SH3RF2: variants seen among roughly 807,000 people sequenced by gnomAD.
SH3RF2 encodes the protein E3 ubiquitin-protein ligase SH3RF2.
A neutral mutation model predicts 59.0 loss-of-function variants in SH3RF2; 43 were observed. That is an observed-to-expected ratio of 0.73 (90% CI 0.57 to 0.94). The LOEUF (loss-of-function observed/expected upper bound fraction) is 0.94. SH3RF2 is among the 40% of genes least tolerant of loss of function. The pLI, the probability that SH3RF2 is intolerant of heterozygous loss-of-function variation, is 0.00. For missense variants in SH3RF2, 930 were observed against 940.1 expected (o/e 0.99, Z 0.14); for synonymous variants, 391 against 391.5 (o/e 1.00, Z 0.01).
chr5:146,077,543 T>A (rs1763361382), intron 9 of SH3RF2, among the ~76,000 whole-genome samples: 1 of 152,232 alleles, frequency 6.6e-6, no homozygotes, highest in Admixed American at 6.5e-5. Flanking sequence ...TGAGTGTAAG[T>A]TGGAGACTAA....
At chr5:145,943,526 A>C (rs951563455) in intron 2 of SH3RF2, among the ~76,000 whole-genome samples, 2 of 152,218 alleles carry the variant, frequency 1.3e-5, no homozygotes, top group Non-Finnish European at 2.9e-5. Context: ...CATTTCTTTT[A>C]GCCTCTGCCT....
At chr5:145,980,055 A>G (rs1759450723) in intron 2 of SH3RF2, among the ~76,000 whole-genome samples, 1 of 152,168 alleles carries the variant, frequency 6.6e-6, no homozygotes, top group African/African-American at 2.4e-5. Context: ...AAGATAAATA[A>G]ACTTCTGAAA....
chr5:146,070,225 C>T (rs2150028016), intron 9 of SH3RF2, among the ~76,000 whole-genome samples: 1 of 152,192 alleles, frequency 6.6e-6, no homozygotes, highest in South Asian at 2.1e-4. Flanking sequence ...AACCTTAATC[C>T]CTCTTCTCAA....
chr5:145,975,269 C>G (rs879295390), intron 2 of SH3RF2, among the ~76,000 whole-genome samples: 2 of 152,196 alleles, frequency 1.3e-5, no homozygotes, highest in African/African-American at 4.8e-5. Context: ...AACAAAATGG[C>G]TCCAAAAGTG....
chr5:146,000,248 C>T lies in SH3RF2; in HGVS notation c.569C>T (p.Pro190Leu), dbSNP rs138966950. 1.5e-5 allele frequency: 25 copies of T among 1,613,898 alleles called. No homozygotes were observed. The East Asian group carries it at 2.2e-4, about 14-fold the overall frequency. The change falls in exon 3 of 10, where the codon CCG (proline) becomes CTG (leucine). Residue 190 changes from proline to leucine, a missense_variant. Physicochemically the swap from Pro to Leu is moderately conservative, Grantham distance 98. Transcript: ENST00000359120. The part of the protein sequence containing the change: ...EVIKQLPQPP[P>L]LCRALYNFDL... ...ATCAAGCAGCTGCCCCAGCCGCCCCCGCTCTGCAGGGCCCTCTACAACTTC... is the reference window on the plus strand; with the variant it reads ...ATCAAGCAGCTGCCCCAGCCGCCCCTGCTCTGCAGGGCCCTCTACAACTTC...
chr5:146,071,332 G>T (rs1479559255), intron 9 of SH3RF2, among the ~76,000 whole-genome samples: 1 of 152,214 alleles, frequency 6.6e-6, no homozygotes, highest in African/African-American at 2.4e-5. Flanking sequence ...GGACTGCATT[G>T]CACGAAGAGG....
chr5:146,027,708 A>G (rs4266461), intron 5 of SH3RF2, among the ~76,000 whole-genome samples: 44,093 of 152,126 alleles, frequency 0.29, 7,800 homozygotes, highest in Non-Finnish European at 0.38. Flanking sequence ...TCTTCAGGTG[A>G]AAACCTGGAA....
Position 146,010,846 on chromosome 5 carries a change from G to A in SH3RF2, c.745-2901G>A, listed in dbSNP as rs192162799. 3.3e-5 allele frequency among the ~76,000 whole-genome samples: 5 copies of A among 152,254 alleles called. No individual in the cohort carries two copies. The East Asian group carries it at 9.6e-4, about 29-fold the overall frequency. On this transcript the variant is annotated intron_variant, in intron 4 of 9. Coordinates refer to ENST00000359120, the MANE Select transcript of SH3RF2 (RefSeq NM_152550.4). ...CTGTAGGTTGCCTGTTCACTCCGAT[G>A]GCAGTTTCTTTTGCTGTGCAGAAGC...
chr5:145,946,875 A>G (rs1758022336), intron 2 of SH3RF2, among the ~76,000 whole-genome samples: 1 of 152,334 alleles, frequency 6.6e-6, no homozygotes, highest in South Asian at 2.1e-4. Context: ...TCCAATATGA[A>G]GGGAAGACAG....
At chr5:145,979,429 A>G (rs911434513) in intron 2 of SH3RF2, among the ~76,000 whole-genome samples, 4 of 152,116 alleles carry the variant, frequency 2.6e-5, no homozygotes, top group Non-Finnish European at 4.4e-5. Context: ...TCCAAACAAG[A>G]CCTTTGGAAT....
intron 2 of SH3RF2, among the ~76,000 whole-genome samples, chr5:145,998,272 G>A (rs1175758415): frequency 1.7e-5 from 2 of 121,114 alleles, no homozygotes; most frequent in Non-Finnish European, 3.5e-5. Flanking sequence ...AGCTTTAGGG[G>A]CCCATAGTTA....
chr5:146,000,440 A>AT, intron 3 of SH3RF2, 113 bp downstream of exon 3: 1 of 836,044 alleles, frequency 1.2e-6, no homozygotes. Flanking sequence ...TAAATATATT[A>AT]TATTATTGTT....
chr5:145,943,720 T>TTGTTTC (rs1263788971), intron 2 of SH3RF2, among the ~76,000 whole-genome samples: 2 of 151,970 alleles, frequency 1.3e-5, no homozygotes, highest in East Asian at 1.9e-4. Flanking sequence ...GTTTTTGTTT[T>TTGTTTC]TGTTTTATCA....
chr5:145,997,410 A>G, intron 2 of SH3RF2: 5 of 1,303,058 alleles, frequency 3.8e-6, no homozygotes, highest in Non-Finnish European at 5.6e-6. Context: ...TTCCATCTAC[A>G]CTGCAACTGG....
chr5:145,964,248 CT>C (rs1561713041), intron 2 of SH3RF2, among the ~76,000 whole-genome samples: 10 of 138,580 alleles, frequency 7.2e-5, no homozygotes, highest in South Asian at 2.3e-4. Context: ...TTTCTTCTTT[CT>C]CTTTCTTTCT....
Position 146,038,621 on chromosome 5 carries a change from C to T in SH3RF2, c.1060-9151C>T, listed in dbSNP as rs940981103. 3.3e-5 allele frequency among the ~76,000 whole-genome samples: 5 copies of T among 152,214 alleles called. No homozygotes were observed. The East Asian group carries it at 5.8e-4, about 18-fold the overall frequency. ...ATAAATATAACAAGACATGCAAGAC[C>T]TTTATTGAGAAAATTTATAAAACAT... On this transcript the variant is annotated intron_variant, in intron 5 of 9. Coordinates refer to ENST00000359120, the MANE Select transcript of SH3RF2 (RefSeq NM_152550.4).
chr5:146,037,069 T>C (rs1353958198), intron 5 of SH3RF2, among the ~76,000 whole-genome samples: 2 of 152,184 alleles, frequency 1.3e-5, no homozygotes, highest in Non-Finnish European at 1.5e-5. Flanking sequence ...GTCTGCTTCT[T>C]CTCCCCAGAC....
At chr5:145,970,469 G>A (rs1238339570) in intron 2 of SH3RF2, among the ~76,000 whole-genome samples, 1 of 152,182 alleles carries the variant, frequency 6.6e-6, no homozygotes, top group Non-Finnish European at 1.5e-5. Flanking sequence ...CTTTATGGAT[G>A]AGTAGTATTC....
At chr5:146,064,878 A>AAAAGAT (rs1436427139), downstream of SH3RF2, among the ~76,000 whole-genome samples, 29 of 149,410 alleles carry the variant, frequency 1.9e-4, 1 homozygote, top group Non-Finnish European at 3.1e-4. Context: ...AAGAAAAAGA[A>AAAAGAT]AAAGATGCAG....
Sources: allele counts gnomAD v4.1 joint callset (sites outside exome capture counted in the v4.1 genomes callset), GRCh38; gene constraint gnomAD v4.1.1; transcripts MANE v1.5; gene names NCBI Gene and HGNC (gene_info 2026-07-23, HGNC 2026-07-21).